Variants in CTAGE1 observed in about 807,000 individuals in gnomAD.
The protein encoded by CTAGE1 is cutaneous T cell lymphoma-associated antigen 1.
For synonymous variants in CTAGE1, 332 were observed against 302.8 expected, an observed-to-expected ratio of 1.10 and a Z score of -1.00; for missense variants, 963 against 855.9, an observed-to-expected ratio of 1.13 and a Z score of -1.56.
At position 22,415,756 on chromosome 18, in the gene CTAGE1, G is replaced by A; in HGVS notation, c.2056C>T (p.Pro686Ser). The A allele has an allele frequency of 4.3e-6, 7 of 1,613,930 alleles. No homozygotes were observed. Among genetic ancestry groups the A allele is most frequent in the Non-Finnish European group, 5.9e-6 (7 of 1,179,896 alleles). ...CCTGGAGGAGGTGGGGGGAAAGGAG[G>A]TCCTCTTCTTATGAACGGGCCCCTT... ...DTRGPFIRRG[P>S]PFPPPPPGTV... Residue 686 changes from proline (P) to serine (S), a missense_variant, in exon 1 of 1, where the codon CCT (proline) becomes TCT (serine). Transcript: ENST00000391403.
chr18:22,416,310 C>T lies in CTAGE1; in HGVS notation c.1502G>A (p.Arg501Lys). 2.5e-6 allele frequency: 4 copies of T among 1,613,936 alleles called. No homozygotes were observed. The highest frequency in any genetic ancestry group is 2.5e-6 in the Non-Finnish European group (3 of 1,179,864). Reference protein sequence around the residue: ...SPLGWPSSETRASLYPPTLLE... With the variant: ...SPLGWPSSETKASLYPPTLLE... Reference sequence around the variant, plus strand: ...CAAAGTTGGAGGATAGAGAGAAGCTCTCGTTTCAGATGAAGGCCAACCCAA... The same window carrying T: ...CAAAGTTGGAGGATAGAGAGAAGCTTTCGTTTCAGATGAAGGCCAACCCAA... The change falls in exon 1 of 1, where the codon AGA becomes AAA. Residue 501 changes from arginine to lysine, a missense_variant. Physicochemically the swap from Arg to Lys is conservative, Grantham distance 26. Transcript: ENST00000391403.
At position 22,417,622 on chromosome 18, in the gene CTAGE1, C is replaced by T; in HGVS notation, c.190G>A (p.Glu64Lys). Residue 64 changes from glutamate to lysine, a missense_variant, in exon 1 of 1, where the codon GAA becomes AAA. Physicochemically the swap from Glu to Lys is moderately conservative, Grantham distance 56. Coordinates refer to ENST00000391403, the MANE Select transcript of CTAGE1 (RefSeq NM_172241.3). The stretch of plus-strand genomic sequence containing the variant: ...TCTTTTTGAACAAGGCTAAATTTTT[C>T]AAGTAGTTTACATTTTTCTTCAATT... ...GLIEEKCKLL[E>K]KFSLVQKEYE... 6.2e-7 allele frequency: 1 copy of T among 1,613,982 alleles called. No homozygotes were observed. Among genetic ancestry groups the T allele is most frequent in the Non-Finnish European group, 8.5e-7 (1 of 1,179,856 alleles).
Position 22,415,959 on chromosome 18 carries a change from T to C in CTAGE1, c.1853A>G (p.Asp618Gly), listed in dbSNP as rs539720541. 544 of 1,613,932 alleles carry C rather than the reference T, an allele frequency of 3.4e-4. 7 individuals carry two copies. In the South Asian group the frequency reaches 5.7e-3, roughly 17 times the overall value. Residue 618 changes from aspartate to glycine, a missense_variant, in exon 1 of 1, where the codon GAT (aspartate) becomes GGT (glycine). Coordinates refer to ENST00000391403, the MANE Select transcript of CTAGE1 (RefSeq NM_172241.3). ...ELRSFNMPSL[D>G]KMDGSMPSEM... ...TGAAGGCATTGACCCATCCATTTTA[T>C]CCAAAGAAGGCATATTAAAACTTCT...
chr18:22,416,811 A>G lies in CTAGE1; in HGVS notation c.1001T>C (p.Leu334Ser), dbSNP rs1182290282. ...TTCAAAATGTGTGTTTTCTGACTGC[A>G]AAGATGCTTGTTCAGTCTGAAGATT... ...IKNLQTEQAS[L>S]QSENTHFESE... Residue 334 changes from leucine (L) to serine (S), a missense_variant, in exon 1 of 1, where the codon TTG becomes TCG. By Grantham distance (145) the Leu-to-Ser change is moderately radical. Coordinates refer to ENST00000391403, the MANE Select transcript of CTAGE1 (RefSeq NM_172241.3). 1 of 1,612,592 alleles carries G rather than the reference A, an allele frequency of 6.2e-7. No homozygotes were observed.
In CTAGE1 at chr18:22,415,522, C is replaced by T; in HGVS notation, c.*52G>A. On this transcript the variant is annotated 3_prime_UTR_variant, in exon 1 of 1. Coordinates refer to ENST00000391403, the MANE Select transcript of CTAGE1 (RefSeq NM_172241.3). ...TCTTGCTGTCGTTCTGGATGTTCAG[C>T]AGCAGGCTCATTTGAAGTCGGACTC... The T allele has an allele frequency of 4.3e-6, 6 of 1,409,944 alleles. No individual in the cohort carries two copies. In the South Asian group the frequency reaches 5.4e-5, roughly 13 times the overall value. The allele number at this position is 1,409,944 out of a possible 1,614,324, so 87.3% of individuals were successfully genotyped here.
Position 22,417,186 on chromosome 18 carries a change from A to G in CTAGE1, c.626T>C (p.Leu209Pro). The change falls in exon 1 of 1, where the codon CTT (leucine) becomes CCT (proline). Residue 209 changes from leucine (L) to proline (P), a missense_variant. Transcript: ENST00000391403. The part of the protein sequence containing the change: ...AEVWKEQVSE[L>P]IKQKRTFEDS... ...TTCAAATGTTCTTTTCTGTTTAATA[A>G]GTTCACTCACTTGTTCTTTCCATAC... is the stretch of plus-strand genomic sequence containing the variant. The G allele has an allele frequency of 1.2e-6, 2 of 1,613,922 alleles. No individual in the cohort carries two copies. Among genetic ancestry groups the G allele is most frequent in the Non-Finnish European group, 1.7e-6 (2 of 1,179,856 alleles).
rs762974650 is a variant in CTAGE1, at chr18:22,417,702, G to A, written c.110C>T (p.Thr37Met). 6.8e-6 allele frequency: 11 copies of A among 1,613,958 alleles called. No individual in the cohort carries two copies. In the East Asian group the frequency reaches 1.3e-4, roughly 20 times the overall value. ...LFLWRSFRSV[T>M]SRLYVRREKK... ...CTCTCTTCTCACATAAAGCCGACTC[G>A]TAACTGATCTAAAACTTCTCCACAA... The change falls in exon 1 of 1, where the codon ACG becomes ATG. Residue 37 changes from threonine (T) to methionine (M), a missense_variant. Thr to Met is a moderately conservative substitution (Grantham distance 81). Transcript: ENST00000391403.
At position 22,417,798 on chromosome 18, in the gene CTAGE1, G is replaced by T; in HGVS notation, c.14C>A (p.Ser5Tyr). The change falls in exon 1 of 1, where the codon TCT becomes TAT. Residue 5 changes from serine (S) to tyrosine (Y), a missense_variant. Transcript: ENST00000391403. MRPDSHPYGFPWELV... is the reference protein window; with the variant it reads MRPDYHPYGFPWELV... The stretch of plus-strand genomic sequence containing the variant: ...TTCCCATGGAAAACCATAAGGATGA[G>T]AATCGGGTCTCATACCTTCAGTCAG... 1 of 1,614,212 alleles carries T rather than the reference G, an allele frequency of 6.2e-7. No individual in the cohort carries two copies. Among genetic ancestry groups the T allele is most frequent in the Non-Finnish European group, 8.5e-7 (1 of 1,180,028 alleles).
At position 22,415,671 on chromosome 18, in the gene CTAGE1, C is replaced by T. The variant is rs373446707; in HGVS notation, c.2141G>A (p.Arg714His). 276 of 1,613,990 alleles carry T rather than the reference C, an allele frequency of 1.7e-4. 4 individuals are homozygous for T. The South Asian group carries it at 1.9e-3, about 11-fold the overall frequency. ...FSPRDVPGPP[R>H]APFAMRNVYL... is the part of the protein sequence containing the mutation. ...GACATTTCTCATTGCAAATGGAGCA[C>T]GTGGTGGACCTGGGACATCCCTTGG... Residue 714 changes from arginine to histidine, a missense_variant, in exon 1 of 1, where the codon CGT becomes CAT. Physicochemically the swap from Arg to His is conservative, Grantham distance 29 (BLOSUM62 0). Coordinates refer to ENST00000391403, the MANE Select transcript of CTAGE1 (RefSeq NM_172241.3).
In CTAGE1 at chr18:22,414,762, C is replaced by T. The variant is rs2034989465; in HGVS notation, c.*812G>A. Reference sequence around the variant, plus strand: ...GAAACTGATCTATATAATTCTGGGGCAAGTAAAAGTTCTGGATAAAGTTGT... The same window carrying T: ...GAAACTGATCTATATAATTCTGGGGTAAGTAAAAGTTCTGGATAAAGTTGT... On this transcript the variant is annotated 3_prime_UTR_variant, in exon 1 of 1. Transcript: ENST00000391403. 3 of 702,630 alleles carry T rather than the reference C, an allele frequency of 4.3e-6. No individual in the cohort carries two copies. The African/African-American group carries it at 5.2e-5, about 12-fold the overall frequency. The allele number at this position is 702,630 out of a possible 1,614,324, so 43.5% of individuals were successfully genotyped here.
chr18:22,417,273 T>C lies in CTAGE1; in HGVS notation c.539A>G (p.Asp180Gly). The C allele has an allele frequency of 6.2e-7, 1 of 1,613,974 alleles. No individual in the cohort carries two copies. The highest frequency in any genetic ancestry group is 8.5e-7 in the Non-Finnish European group (1 of 1,179,860). Residue 180 changes from aspartate (D) to glycine (G), a missense_variant, in exon 1 of 1, where the codon GAT becomes GGT. Physicochemically the swap from Asp to Gly is moderately conservative, Grantham distance 94. Transcript: ENST00000391403. ...NEERLEIEIQDAWKENSELQE... is the reference protein window; with the variant it reads ...NEERLEIEIQGAWKENSELQE... Reference sequence around the variant, plus strand: ...AAGTTCAGAATTTTCTTTCCAAGCATCTTGTATTTCTATCTCCAACCGTTC... The same window carrying C: ...AAGTTCAGAATTTTCTTTCCAAGCACCTTGTATTTCTATCTCCAACCGTTC...
Position 22,414,810 on chromosome 18 carries a change from A to C in CTAGE1, c.*764T>G, listed in dbSNP as rs1011472117. 17 of 702,510 alleles carry C rather than the reference A, an allele frequency of 2.4e-5. No individual in the cohort carries two copies. Among genetic ancestry groups the C allele is most frequent in the African/African-American group, 1.7e-5 (1 of 57,256 alleles). The allele number at this position is 702,510 out of a possible 1,614,324, so 43.5% of individuals were successfully genotyped here. A position where few individuals can be genotyped will look rare whatever the true frequency, so the allele number is the denominator to read the frequency against. On this transcript the variant is annotated 3_prime_UTR_variant, in exon 1 of 1. Coordinates refer to ENST00000391403, the MANE Select transcript of CTAGE1 (RefSeq NM_172241.3). ...TGTTCCCACCAAATAAAAATAAAAC[A>C]AAAGAAATAACAACACAATTATGTA...
chr18:22,417,324 G>T lies in CTAGE1; in HGVS notation c.488C>A (p.Thr163Asn). ...TTCATTCGCTTGAAATCTCTTGAAG[G>T]TCATTTTGGCTTCAGCTACTTGTGA... ...LKSQVAEAKM[T>N]FKRFQANEER... Residue 163 changes from threonine (T) to asparagine (N), a missense_variant, in exon 1 of 1, where the codon ACC (threonine) becomes AAC (asparagine). Thr to Asn is a moderately conservative substitution (Grantham distance 65). Coordinates refer to ENST00000391403, the MANE Select transcript of CTAGE1 (RefSeq NM_172241.3). The T allele has an allele frequency of 6.2e-7, 1 of 1,613,862 alleles. No individual in the cohort carries two copies. Among genetic ancestry groups the T allele is most frequent in the Non-Finnish European group, 8.5e-7 (1 of 1,179,852 alleles).
Position 22,417,530 on chromosome 18 carries a change from T to A in CTAGE1, c.282A>T (p.Ala94=). Residue 94 remains alanine (A), a synonymous_variant, in exon 1 of 1, where the codon GCA becomes GCT. Transcript: ENST00000391403. ...NASFEKEATE[A]QSLEATCEKL... The stretch of plus-strand genomic sequence containing the variant: ...TTTCGCAGGTTGCCTCCAAACTTTG[T>A]GCTTCTGTTGCCTCCTTCTCAAAGC... 6 of 1,614,040 alleles carry A rather than the reference T, an allele frequency of 3.7e-6. No individual in the cohort carries two copies. The highest frequency in any genetic ancestry group is 5.1e-6 in the Non-Finnish European group (6 of 1,179,878).
chr18:22,416,997 C>T lies in CTAGE1; in HGVS notation c.815G>A (p.Gly272Asp). 2 of 1,614,028 alleles carry T rather than the reference C, an allele frequency of 1.2e-6. No individual in the cohort carries two copies. The highest frequency in any genetic ancestry group is 1.7e-6 in the Non-Finnish European group (2 of 1,179,914). The change falls in exon 1 of 1, where the codon GGT becomes GAT. Residue 272 changes from glycine (G) to aspartate (D), a missense_variant. Coordinates refer to ENST00000391403, the MANE Select transcript of CTAGE1 (RefSeq NM_172241.3). The part of the protein sequence containing the change: ...ELEMNSESED[G>D]AYLDNPPKGA... ...TTTTGGAGGATTATCTAAGTAAGCA[C>T]CATCTTCCGATTCACTGTTCATTTC...
rs201265784 is a variant in CTAGE1 at position 22,416,511 on chromosome 18, G to A, written c.1301C>T (p.Ser434Leu). 14 of 1,613,668 alleles carry A rather than the reference G, an allele frequency of 8.7e-6. No homozygotes were observed. The highest frequency in any genetic ancestry group is 6.7e-5 in the Admixed American group (4 of 59,968). The change falls in exon 1 of 1, where the codon TCG becomes TTG. Residue 434 changes from serine to leucine, a missense_variant. By Grantham distance (145) the Ser-to-Leu change is moderately radical (BLOSUM62 -2). Coordinates refer to ENST00000391403, the MANE Select transcript of CTAGE1 (RefSeq NM_172241.3). ...GTTTCTTTCAGCAGTCCAAGCTGCC[G>A]ACCAATTATCATGTGCTTTTTTCTC... The part of the protein sequence containing the change: ...LHEKKAHDNW[S>L]AAWTAERNLN...
chr18:22,416,528 T>C lies in CTAGE1; in HGVS notation c.1284A>G (p.Lys428=). 2 of 1,613,142 alleles carry C rather than the reference T, an allele frequency of 1.2e-6. No homozygotes were observed. Among genetic ancestry groups the C allele is most frequent in the Non-Finnish European group, 1.7e-6 (2 of 1,179,740 alleles). ...AAGCTGCCGACCAATTATCATGTGCTTTTTTCTCATGGAGAATAATCTTCT... is the reference window on the plus strand; with the variant it reads ...AAGCTGCCGACCAATTATCATGTGCCTTTTTCTCATGGAGAATAATCTTCT... The part of the protein sequence containing the change: ...YQKKIILHEK[K]AHDNWSAAWT... Residue 428 remains lysine, a synonymous_variant, in exon 1 of 1, where the codon AAA becomes AAG. Transcript: ENST00000391403.
Position 22,417,736 on chromosome 18 carries a change from C to T in CTAGE1, c.76G>A (p.Val26Ile). ...CTAAAACTTCTCCACAAGAAGAGAA[C>T]AGCAAAAAATCCAGCAACAGCTGCA... ...IRAAVAGFFA[V>I]LFLWRSFRSV... Residue 26 changes from valine (V) to isoleucine (I), a missense_variant, in exon 1 of 1, where the codon GTT (valine) becomes ATT (isoleucine). Val to Ile is a conservative substitution (Grantham distance 29, BLOSUM62 3). Transcript: ENST00000391403. 1 of 1,614,174 alleles carries T rather than the reference C, an allele frequency of 6.2e-7. No homozygotes were observed. The highest frequency in any genetic ancestry group is 8.5e-7 in the Non-Finnish European group (1 of 1,180,016).
Position 22,417,763 on chromosome 18 carries a change from G to A in CTAGE1, c.49C>T (p.Arg17Cys), listed in dbSNP as rs779323685. The change falls in exon 1 of 1, where the codon CGT (arginine) becomes TGT (cysteine). Residue 17 changes from arginine (R) to cysteine (C), a missense_variant. Transcript: ENST00000391403. ...PYGFPWELVI[R>C]AAVAGFFAVL... is the part of the protein sequence containing the mutation. Reference sequence around the variant, plus strand: ...GCAAAAAATCCAGCAACAGCTGCACGTATCACCAATTCCCATGGAAAACCA... The same window carrying A: ...GCAAAAAATCCAGCAACAGCTGCACATATCACCAATTCCCATGGAAAACCA... 46 of 1,614,068 alleles carry A rather than the reference G, an allele frequency of 2.8e-5. No individual in the cohort carries two copies. In the Admixed American group the frequency reaches 3.3e-4, roughly 12 times the overall value.
Sources: allele counts gnomAD v4.1 joint callset, GRCh38; gene constraint gnomAD v4.1.1; transcripts MANE v1.5; gene names NCBI Gene and HGNC (gene_info 2026-07-23, HGNC 2026-07-21).